PARD3B: variants seen among roughly 807,000 people sequenced by gnomAD.
The protein encoded by PARD3B is partitioning defective 3 homolog B.
In PARD3B, 103 loss-of-function variants were observed where a neutral mutation model predicts 130.2. The observed-to-expected ratio is 0.79, with a 90% confidence interval of 0.67 to 0.93. The LOEUF (loss-of-function observed/expected upper bound fraction) is 0.93. Among genes scored for constraint, PARD3B ranks in the 40% least tolerant of loss-of-function variants. The probability of loss-of-function intolerance (pLI) is 0.00; values close to 1 mark genes in which losing one functional copy is unlikely to be tolerated. For synonymous variants in PARD3B, 583 were observed against 553.2 expected (o/e 1.05, Z -0.76); for missense variants, 1,609 against 1,499.2 (o/e 1.07, Z -1.21).
chr2:204,999,144 A>G (rs1158032135), intron 3 of PARD3B, among the ~76,000 whole-genome samples: 4 of 147,942 alleles, frequency 2.7e-5, no homozygotes, highest in Non-Finnish European at 4.5e-5. Context: ...GGATGTCTGT[A>G]TCTGTTTTTA....
At chr2:204,889,319 C>T (rs977487311) in intron 2 of PARD3B, among the ~76,000 whole-genome samples, 4 of 152,154 alleles carry the variant, frequency 2.6e-5, no homozygotes, top group African/African-American at 9.7e-5. Flanking sequence ...ACACAAATAG[C>T]TTTTATAGAG....
chr2:204,682,863 T>C (rs1574693855), intron 1 of PARD3B, among the ~76,000 whole-genome samples: 1 of 152,300 alleles, frequency 6.6e-6, no homozygotes, highest in East Asian at 1.9e-4. Flanking sequence ...AGTGGAAAAT[T>C]ATTGTACTTC....
intron 1 of PARD3B, among the ~76,000 whole-genome samples, chr2:204,547,091 T>A (rs2030017553): frequency 6.6e-6 from 1 of 152,234 alleles, no homozygotes; most frequent in Admixed American, 6.5e-5. Context: ...ATATTTGGTC[T>A]CGTGCCATGT....
At chr2:205,019,040 C>T (rs1696389556) in intron 3 of PARD3B, among the ~76,000 whole-genome samples, 1 of 152,062 alleles carries the variant, frequency 6.6e-6, no homozygotes, top group Non-Finnish European at 1.5e-5. Flanking sequence ...TGGTTTTTAG[C>T]ATATGTACAT....
rs2125716292 is a variant in PARD3B at position 204,907,310 on chromosome 2, G to A, written c.223-57842G>A. 6.6e-6 allele frequency among the ~76,000 whole-genome samples: 1 copy of A among 152,242 alleles called. No homozygotes were observed. Among genetic ancestry groups the A allele is most frequent in the South Asian group, 2.1e-4 (1 of 4,824 alleles). On this transcript the variant is annotated intron_variant, in intron 2 of 22. Coordinates refer to ENST00000406610, the MANE Select transcript of PARD3B (RefSeq NM_001302769.2). This position sits in a 1 kb window ranked among gnomAD's most constrained non-coding sequence, Gnocchi z 5.7. ...AGTACCTGTGGAGGACAATGACTAG[G>A]GCTGTGACAGATGATGTGAATCCAT...
rs183430850 is a variant in PARD3B, at chr2:204,774,678, A to G, written c.222+88396A>G. 6.6e-5 allele frequency among the ~76,000 whole-genome samples: 10 copies of G among 152,258 alleles called. No homozygotes were observed. In the East Asian group the frequency reaches 1.7e-3, roughly 26 times the overall value. On this transcript the variant is annotated intron_variant, in intron 2 of 22. Transcript: ENST00000406610. Reference sequence around the variant, plus strand: ...ATATGATTGGAATCATCTTTTAGGAAAATACACTTTGATTTATAACTCAGA... The same window carrying G: ...ATATGATTGGAATCATCTTTTAGGAGAATACACTTTGATTTATAACTCAGA...
At chr2:205,058,392 C>T (rs765674521) in intron 4 of PARD3B, among the ~76,000 whole-genome samples, 4 of 151,940 alleles carry the variant, frequency 2.6e-5, no homozygotes, top group Non-Finnish European at 2.9e-5. Context: ...AAAAATGCTA[C>T]TGTGGATACG....
At chr2:205,465,454 T>A (rs935428163) in intron 20 of PARD3B, among the ~76,000 whole-genome samples, 1 of 152,228 alleles carries the variant, frequency 6.6e-6, no homozygotes, top group African/African-American at 2.4e-5. Flanking sequence ...TATTCATTTT[T>A]AAAAATTATT....
At position 205,558,718 on chromosome 2, in the gene PARD3B, A is replaced by C. The variant is rs1452569194; in HGVS notation, c.3260+5315A>C. On this transcript the variant is annotated intron_variant, in intron 22 of 22. Transcript: ENST00000406610. This position sits in a 1 kb window ranked among gnomAD's most constrained non-coding sequence, Gnocchi z 4.8. ...TGCCAATTCAATGCCCGTCTCTATG[A>C]TGATTCCAAAAGTACCTGCCTAACA... 1.3e-5 allele frequency among the ~76,000 whole-genome samples: 2 copies of C among 152,030 alleles called. No individual in the cohort carries two copies. Among genetic ancestry groups the C allele is most frequent in the Admixed American group, 1.3e-4 (2 of 15,264 alleles).
chr2:205,179,641 G>T (rs539818699), intron 13 of PARD3B, among the ~76,000 whole-genome samples: 1 of 152,262 alleles, frequency 6.6e-6, no homozygotes, highest in South Asian at 2.1e-4. Context: ...AATCCTTCTA[G>T]GTTTGAGTAA....
chr2:205,038,315 A>G (rs574049411), intron 3 of PARD3B, among the ~76,000 whole-genome samples: 36 of 152,210 alleles, frequency 2.4e-4, no homozygotes, highest in African/African-American at 8.4e-4. Context: ...TATTTCAGTT[A>G]GTACTTTACT....
In PARD3B at chr2:205,407,700, C is replaced by G. The variant is rs1301275158; in HGVS notation, c.2741+6577C>G. Among the ~76,000 whole-genome samples the G allele has an allele frequency of 1.3e-5, 2 of 152,080 alleles. No homozygotes were observed. The highest frequency in any genetic ancestry group is 2.9e-5 in the Non-Finnish European group (2 of 68,000). ...CCTCCTCATCATTAATTTAGTATTA[C>G]TATCCTGAGAAAAATATCTCCACTG... On this transcript the variant is annotated intron_variant, in intron 19 of 22. Transcript: ENST00000406610. This position sits in a 1 kb window ranked among gnomAD's most constrained non-coding sequence, Gnocchi z 4.1.
At chr2:204,721,818 C>CT (rs1335135231) in intron 2 of PARD3B, among the ~76,000 whole-genome samples, 1 of 152,030 alleles carries the variant, frequency 6.6e-6, no homozygotes, top group Non-Finnish European at 1.5e-5. Flanking sequence ...TTGTAGAACT[C>CT]TAATTTTGAA....
chr2:205,202,618 A>G lies in PARD3B; in HGVS notation c.2140+9298A>G, dbSNP rs113414905. ...GCCATAAACTTAGCTGCACTCTTTTATAAGTTATTGAATGAGTGAATAAGA... is the reference window on the plus strand; with the variant it reads ...GCCATAAACTTAGCTGCACTCTTTTGTAAGTTATTGAATGAGTGAATAAGA... On this transcript the variant is annotated intron_variant, in intron 15 of 22. Coordinates refer to ENST00000406610, the MANE Select transcript of PARD3B (RefSeq NM_001302769.2). Among the ~76,000 whole-genome samples, 589 of 152,290 alleles carry G rather than the reference A, an allele frequency of 3.9e-3. 4 individuals carry two copies. Among genetic ancestry groups the G allele is most frequent in the African/African-American group, 0.014 (562 of 41,568 alleles).
intron 2 of PARD3B, among the ~76,000 whole-genome samples, chr2:204,692,761 A>G (rs1333655513): frequency 6.6e-6 from 1 of 152,072 alleles, no homozygotes; most frequent in African/African-American, 2.4e-5. Context: ...GAACAAATGA[A>G]TTACCTTGGT....
At chr2:204,593,355 A>G (rs1574513896) in intron 1 of PARD3B, among the ~76,000 whole-genome samples, 1 of 152,152 alleles carries the variant, frequency 6.6e-6, no homozygotes, top group Non-Finnish European at 1.5e-5. Context: ...TTGCGCATGG[A>G]GCAATGGCAG....
intron 18 of PARD3B, among the ~76,000 whole-genome samples, chr2:205,394,128 G>GACGA (rs780087890): frequency 1.3e-5 from 2 of 152,048 alleles, no homozygotes; most frequent in Non-Finnish European, 2.9e-5. Context: ...GGAATGAATG[G>GACGA]ATGAATGAAT....
chr2:204,970,179 AC>A, intron 3 of PARD3B, among the ~76,000 whole-genome samples: 3 of 152,210 alleles, frequency 2.0e-5, no homozygotes, highest in Non-Finnish European at 4.4e-5. Context: ...CTGACCACCT[AC>A]TGTTCCATAA....
chr2:204,789,038 G>A (rs1250263200), intron 2 of PARD3B, among the ~76,000 whole-genome samples: 4 of 151,942 alleles, frequency 2.6e-5, no homozygotes, highest in Non-Finnish European at 5.9e-5. Context: ...ATTATTAAAT[G>A]GAATATAATT....
Sources: gnomAD v4.1 joint callset for allele counts (sites outside exome capture counted in the v4.1 genomes callset) on GRCh38, gnomAD v4.1.1 for gene constraint, Gnocchi (gnomAD v3.1) non-coding constraint, MANE v1.5 for transcripts, NCBI Gene and HGNC (gene_info 2026-07-23, HGNC 2026-07-21) for gene names.